The following GALNT13 variants were observed in gnomAD, a reference collection of about 807,000 sequenced individuals.
GALNT13 encodes the protein UDP-GalNAc:polypeptide N-acetylgalactosaminyltransferase 13.
A neutral mutation model predicts 64.2 loss-of-function variants in GALNT13; 28 were observed. That is an observed-to-expected ratio of 0.44 (90% CI 0.32 to 0.60). The LOEUF (loss-of-function observed/expected upper bound fraction) is 0.60, where lower values mean the gene tolerates loss of function less well. GALNT13 is among the 20% of genes least tolerant of loss of function. The pLI, the probability that GALNT13 is intolerant of heterozygous loss-of-function variation, is 0.05. For missense variants in GALNT13, 577 were observed against 669.8 expected (o/e 0.86, Z 1.53); for synonymous variants, 214 against 224.6 (o/e 0.95, Z 0.42).
the GALNT13 span, among the ~76,000 whole-genome samples, chr2:153,776,252 C>T: frequency 6.6e-6 from 1 of 152,062 alleles, no homozygotes; most frequent in African/African-American, 2.4e-5. Context: ...AAAATTTTAT[C>T]CAGAATTGTT....
Position 154,103,330 on chromosome 2 carries a change from C to T in GALNT13, c.143-37007C>T, listed in dbSNP as rs866557860. 2.0e-5 allele frequency among the ~76,000 whole-genome samples: 3 copies of T among 152,138 alleles called. No individual in the cohort carries two copies. In the South Asian group the frequency reaches 6.2e-4, roughly 32 times the overall value. On this transcript the variant is annotated intron_variant, in intron 3 of 12. Transcript: ENST00000392825. Reference sequence around the variant, plus strand: ...TTTTGAAATTCCTATAGTGAATTTTCCATTTACAGAAATTGTTTTTTAAAA... The same window carrying T: ...TTTTGAAATTCCTATAGTGAATTTTTCATTTACAGAAATTGTTTTTTAAAA...
chr2:153,586,115 C>A, the GALNT13 span, among the ~76,000 whole-genome samples: 2 of 151,946 alleles, frequency 1.3e-5, no homozygotes, highest in African/African-American at 4.8e-5. Context: ...TTCCATAAAA[C>A]CACAAAGACA....
chr2:153,835,938 G>T, the GALNT13 span, among the ~76,000 whole-genome samples: 1 of 151,932 alleles, frequency 6.6e-6, no homozygotes, highest in African/African-American at 2.4e-5. Flanking sequence ...TTGCCATTTT[G>T]GGGGGAATAG....
At chr2:154,307,249 C>T (rs1181031599) in intron 9 of GALNT13, among the ~76,000 whole-genome samples, 3 of 152,056 alleles carry the variant, frequency 2.0e-5, no homozygotes, top group Non-Finnish European at 4.4e-5. Context: ...TAATCTTACC[C>T]TCCAGGGCTA....
intron 3 of GALNT13, among the ~76,000 whole-genome samples, chr2:154,032,346 T>C (rs970678212): frequency 6.6e-6 from 1 of 151,994 alleles, no homozygotes; most frequent in Non-Finnish European, 1.5e-5. Flanking sequence ...TGAAGTCTAT[T>C]AACCTTTTAA....
At chr2:153,381,118 G>T in the GALNT13 span, among the ~76,000 whole-genome samples, 43 of 151,866 alleles carry the variant, frequency 2.8e-4, no homozygotes, top group African/African-American at 1.0e-3. Context: ...GCTAATATTT[G>T]TATTTTTTTG....
intron 3 of GALNT13, among the ~76,000 whole-genome samples, chr2:154,008,745 G>A (rs1574318420): frequency 6.6e-6 from 1 of 152,168 alleles, no homozygotes; most frequent in Non-Finnish European, 1.5e-5. Flanking sequence ...CATCCATGTT[G>A]CTGCAAAGGA....
chr2:153,641,947 T>C, the GALNT13 span, among the ~76,000 whole-genome samples: 1 of 152,058 alleles, frequency 6.6e-6, no homozygotes, highest in Non-Finnish European at 1.5e-5. Flanking sequence ...AAAATTATTC[T>C]ATTTAATAAC....
intron 4 of GALNT13, among the ~76,000 whole-genome samples, chr2:154,207,342 T>A (rs1161948390): frequency 6.6e-6 from 1 of 152,190 alleles, no homozygotes; most frequent in South Asian, 2.1e-4. Context: ...TGCTCTCCTA[T>A]TAATAATCTG....
At chr2:153,226,833 T>C in the GALNT13 span, among the ~76,000 whole-genome samples, 26,314 of 152,192 alleles carry the variant, frequency 0.17, 2,360 homozygotes, top group Non-Finnish European at 0.18. Context: ...TGCATCCAGC[T>C]CGGTTAATTG....
the GALNT13 span, among the ~76,000 whole-genome samples, chr2:153,296,170 T>C: frequency 6.6e-6 from 1 of 152,122 alleles, no homozygotes; most frequent in East Asian, 1.9e-4. Flanking sequence ...TGATCAGCAT[T>C]AAGAACTGAA....
At chr2:154,401,548 A>C (rs1699304281) in intron 10 of GALNT13, among the ~76,000 whole-genome samples, 1 of 152,154 alleles carries the variant, frequency 6.6e-6, no homozygotes, top group Non-Finnish European at 1.5e-5. Context: ...ATGTTGGGCT[A>C]GGCAACTCAC....
At chr2:153,189,105 C>T in the GALNT13 span, among the ~76,000 whole-genome samples, 560 of 152,200 alleles carry the variant, frequency 3.7e-3, 2 homozygotes, top group African/African-American at 0.013. Flanking sequence ...CAAAGTGAGC[C>T]GTCTCTCTTA....
chr2:153,924,359 C>T (rs1689968108), intron 2 of GALNT13, among the ~76,000 whole-genome samples: 1 of 152,088 alleles, frequency 6.6e-6, no homozygotes, highest in Admixed American at 6.6e-5. Context: ...TGGCTTCCAG[C>T]TCCATCCATG....
At chr2:153,842,589 TA>T in the GALNT13 span, among the ~76,000 whole-genome samples, 1 of 152,126 alleles carries the variant, frequency 6.6e-6, no homozygotes, top group Admixed American at 6.6e-5. Flanking sequence ...AGAGTAAAAC[TA>T]GTTTTTTTTT....
At chr2:153,483,073 G>C in the GALNT13 span, among the ~76,000 whole-genome samples, 2 of 152,184 alleles carry the variant, frequency 1.3e-5, no homozygotes, top group African/African-American at 4.8e-5. Context: ...ACCTTGGTGA[G>C]TAAAAAATGC....
chr2:153,582,080 T>C, the GALNT13 span, among the ~76,000 whole-genome samples: 1 of 152,168 alleles, frequency 6.6e-6, no homozygotes, highest in Non-Finnish European at 1.5e-5. Flanking sequence ...TTCTGTTATA[T>C]GTCTATTTGG....
chr2:153,614,981 CTATT>C, the GALNT13 span, among the ~76,000 whole-genome samples: 1 of 152,010 alleles, frequency 6.6e-6, no homozygotes, highest in Admixed American at 6.6e-5. Context: ...TTCCTTCCAA[CTATT>C]TATTGTTGCC....
chr2:153,723,272 C>T, the GALNT13 span, among the ~76,000 whole-genome samples: 55 of 149,714 alleles, frequency 3.7e-4, no homozygotes, highest in Admixed American at 6.6e-4. Context: ...GCTAAAAACT[C>T]TCAATAAATT....
Sources: allele counts gnomAD v4.1 joint callset (sites outside exome capture counted in the v4.1 genomes callset), GRCh38; gene constraint gnomAD v4.1.1; transcripts MANE v1.5; gene names NCBI Gene and HGNC (gene_info 2026-07-23, HGNC 2026-07-21).